DDO: variants seen among roughly 807,000 people sequenced by gnomAD.
DDO encodes the protein D-aspartate oxidase, DDO.
DDO carries 16 observed loss-of-function variants against 16.8 expected under a neutral mutation model. That is an observed-to-expected ratio of 0.95 (90% CI 0.65 to 1.45). DDO has a LOEUF of 1.45. Among genes scored for constraint, DDO ranks in the 40% most tolerant of loss-of-function variants. DDO has a pLI of 0.00. For missense variants in DDO, 429 were observed against 420.3 expected, an observed-to-expected ratio of 1.02 and a Z score of -0.18; for synonymous variants, 180 against 167.2, an observed-to-expected ratio of 1.08 and a Z score of -0.59.
chr6:110,390,192 G>A (rs1773076091), downstream of DDO, among the ~76,000 whole-genome samples: 1 of 152,202 alleles, frequency 6.6e-6, no homozygotes, highest in African/African-American at 2.4e-5. Context: ...GGAAGGGAAG[G>A]ATAATGGTGA....
intron 4 of DDO, among the ~76,000 whole-genome samples, chr6:110,394,625 A>G (rs889797984): frequency 1.3e-5 from 2 of 152,212 alleles, no homozygotes; most frequent in African/African-American, 4.8e-5. Flanking sequence ...TGACAGAGGA[A>G]CTGGCAGACA....
chr6:110,411,513 G>A (rs1194992308), intron 2 of DDO, among the ~76,000 whole-genome samples: 2 of 152,138 alleles, frequency 1.3e-5, no homozygotes, highest in Non-Finnish European at 2.9e-5. Flanking sequence ...CAAATAAGAT[G>A]TTATAACAAA....
intron 4 of DDO, among the ~76,000 whole-genome samples, chr6:110,399,112 A>T (rs35766491): frequency 0.13 from 20,447 of 152,192 alleles, 1,511 homozygotes; most frequent in Middle Eastern, 0.16. Flanking sequence ...GATATGAAAT[A>T]TGACCTGTGT....
At position 110,415,530 on chromosome 6, in the gene DDO, T is replaced by C; in HGVS notation, c.-68A>G. ...TCTGGCACCAAACCTTGTTTCCCAG[T>C]GCCTGGCTGGTCTCATGCCCTGAGA... On this transcript the variant is annotated 5_prime_UTR_variant, in exon 1 of 5. Coordinates refer to ENST00000368924, the MANE Select transcript of DDO (RefSeq NM_001372108.2). 1.2e-6 allele frequency: 2 copies of C among 1,614,226 alleles called. No homozygotes were observed. Among genetic ancestry groups the C allele is most frequent in the Non-Finnish European group, 1.7e-6 (2 of 1,180,042 alleles).
At chr6:110,411,005 C>T (rs761951906) in intron 2 of DDO, among the ~76,000 whole-genome samples, 2 of 152,014 alleles carry the variant, frequency 1.3e-5, no homozygotes, top group Non-Finnish European at 2.9e-5. Context: ...GCAGGGATGC[C>T]GTGCTGAAAA....
chr6:110,397,139 G>A (rs536160614), intron 4 of DDO, among the ~76,000 whole-genome samples: 1 of 152,258 alleles, frequency 6.6e-6, no homozygotes, highest in East Asian at 1.9e-4. Flanking sequence ...GGCTCGTTGT[G>A]AAAATGAAAT....
Position 110,413,298 on chromosome 6 carries a change from A to T in DDO, c.165T>A (p.Thr55=). The T allele has an allele frequency of 1.2e-6, 2 of 1,614,072 alleles. No individual in the cohort carries two copies. The highest frequency in any genetic ancestry group is 1.7e-6 in the Non-Finnish European group (2 of 1,179,950). The change falls in exon 2 of 5, where the codon ACT becomes ACA. Residue 55 remains threonine, a synonymous_variant. Coordinates refer to ENST00000368924, the MANE Select transcript of DDO (RefSeq NM_001372108.2). The stretch of plus-strand genomic sequence containing the variant: ...GGAGCTGAAATCTCTCACCTGGATA[A>T]GTGTGAGGAATAAGCATTCCGGCTG... ...DVAAGMLIPH[T]YPDTPIHTQK...
At chr6:110,409,240 G>A (rs1303266357) in intron 2 of DDO, among the ~76,000 whole-genome samples, 3 of 152,224 alleles carry the variant, frequency 2.0e-5, no homozygotes, top group Non-Finnish European at 4.4e-5. Context: ...CAAAATAAGT[G>A]TCCAGTGTAG....
At chr6:110,408,296 T>C in intron 3 of DDO, 38 bp downstream of exon 3, 2 of 1,579,746 alleles carry the variant, frequency 1.3e-6, no homozygotes, top group Non-Finnish European at 1.7e-6. Context: ...GTTAAGATCA[T>C]GCTACACTCT....
At chr6:110,390,590 C>T (rs1451378702), downstream of DDO, among the ~76,000 whole-genome samples, 1 of 152,082 alleles carries the variant, frequency 6.6e-6, no homozygotes, top group African/African-American at 2.4e-5. Context: ...ACTAGAGTAA[C>T]AAATAGGCAA....
chr6:110,398,408 A>ACC (rs1773359476), intron 4 of DDO, among the ~76,000 whole-genome samples: 1 of 149,004 alleles, frequency 6.7e-6, no homozygotes, highest in African/African-American at 2.5e-5. Flanking sequence ...ACACACACAC[A>ACC]CACACACACA....
intron 2 of DDO, 116 bp downstream of exon 2, chr6:110,413,175 A>G (rs1773916891): frequency 1.1e-5 from 13 of 1,220,204 alleles, no homozygotes; most frequent in Admixed American, 5.1e-5. Context: ...GGAAAAAGAA[A>G]AAAACCTGCA....
At chr6:110,399,753 G>A (rs1156359907) in intron 4 of DDO, among the ~76,000 whole-genome samples, 4 of 152,240 alleles carry the variant, frequency 2.6e-5, no homozygotes, top group Admixed American at 6.5e-5. Context: ...GGGGTCAGGA[G>A]GGAGCCAGGT....
chr6:110,402,480 C>T (rs1366399330), intron 4 of DDO, among the ~76,000 whole-genome samples: 1 of 152,074 alleles, frequency 6.6e-6, no homozygotes, highest in Non-Finnish European at 1.5e-5. Context: ...GCCTGGCCAT[C>T]ATGGTGAAAC....
chr6:110,406,405 C>G (rs1345101374), intron 3 of DDO, among the ~76,000 whole-genome samples: 2 of 152,110 alleles, frequency 1.3e-5, no homozygotes, highest in Non-Finnish European at 2.9e-5. Context: ...GATTCTCTCT[C>G]CCTACTCACC....
At chr6:110,411,198 G>T (rs1009226841) in intron 2 of DDO, among the ~76,000 whole-genome samples, 3 of 152,074 alleles carry the variant, frequency 2.0e-5, no homozygotes, top group Non-Finnish European at 4.4e-5. Flanking sequence ...CATCACAGAT[G>T]TCCCCAAATA....
In DDO at chr6:110,392,969, T is replaced by TC. The variant is rs765670329; in HGVS notation, c.831dup (p.Arg278GlufsTer70). The TC allele has an allele frequency of 1.9e-6, 3 of 1,613,654 alleles. No individual in the cohort carries two copies. In the South Asian group the frequency reaches 3.3e-5, roughly 18 times the overall value. On this transcript the variant is annotated frameshift_variant, in exon 5 of 5. Transcript: ENST00000368924. LOFTEE classifies it low-confidence loss of function (END_TRUNC). ...AGTCGCACGCCTGGCCTGTAGGGCC[T>TC]CAAGCCCACCTTCTCCCTGATGTTG...
intron 3 of DDO, among the ~76,000 whole-genome samples, chr6:110,406,471 A>G (rs1773659716): frequency 6.6e-6 from 1 of 152,132 alleles, no homozygotes; most frequent in East Asian, 1.9e-4. Flanking sequence ...GCATTTCTCA[A>G]GTCCATCTAC....
downstream of DDO, among the ~76,000 whole-genome samples, chr6:110,391,302 A>G (rs1773094105): frequency 6.6e-6 from 1 of 151,832 alleles, no homozygotes; most frequent in African/African-American, 2.4e-5. Flanking sequence ...ATCATTTAAC[A>G]GAAGTCGTCT....
Sources: gnomAD v4.1 joint callset for allele counts (sites outside exome capture counted in the v4.1 genomes callset) on GRCh38, gnomAD v4.1.1 for gene constraint, MANE v1.5 for transcripts, NCBI Gene and HGNC (gene_info 2026-07-23, HGNC 2026-07-21) for gene names.